Variants in LAMA3 observed in about 807,000 individuals in gnomAD.
LAMA3 encodes laminin subunit alpha-3.
In LAMA3, 281 loss-of-function variants were observed where a neutral mutation model predicts 402.0. The ratio of observed to expected loss-of-function variants is 0.70; its 90% CI spans 0.63 to 0.77. The LOEUF (loss-of-function observed/expected upper bound fraction) is 0.77, where lower values mean the gene tolerates loss of function less well. LAMA3 is among the 30% of genes least tolerant of loss of function. LAMA3 has a pLI of 0.00. For synonymous variants in LAMA3, 1,431 were observed against 1,558.4 expected, an observed-to-expected ratio of 0.92 and a Z score of 1.93; for missense variants, 3,840 against 4,215.5, an observed-to-expected ratio of 0.91 and a Z score of 2.47.
chr18:23,778,596 G>C (rs2062371342), intron 11 of LAMA3, among the ~76,000 whole-genome samples: 1 of 152,146 alleles, frequency 6.6e-6, no homozygotes, highest in African/African-American at 2.4e-5. Flanking sequence ...GGAGGCACAG[G>C]TTCTCAGAAG....
chr18:23,899,637 C>T (rs1322872334), intron 47 of LAMA3, 182 bp downstream of exon 47: 4 of 633,204 alleles, frequency 6.3e-6, no homozygotes, highest in African/African-American at 1.8e-5. Flanking sequence ...TACCAACGGG[C>T]TGTAGAATAT....
At chr18:23,808,053 G>A (rs939550617) in intron 12 of LAMA3, among the ~76,000 whole-genome samples, 1 of 152,170 alleles carries the variant, frequency 6.6e-6, no homozygotes, top group Non-Finnish European at 1.5e-5. Flanking sequence ...TATATGGAGT[G>A]GGTAGTGTCT....
At chr18:23,821,002 A>G (rs962747578) in intron 19 of LAMA3, among the ~76,000 whole-genome samples, 1 of 152,200 alleles carries the variant, frequency 6.6e-6, no homozygotes, top group Non-Finnish European at 1.5e-5. Context: ...CAGCTATTTA[A>G]TTTCTTTAGT....
At chr18:23,840,606 C>T (rs951194049) in intron 27 of LAMA3, among the ~76,000 whole-genome samples, 1 of 151,642 alleles carries the variant, frequency 6.6e-6, no homozygotes, top group African/African-American at 2.4e-5. Flanking sequence ...AGGTTGGTCT[C>T]GAACCAGTAA....
intron 13 of LAMA3, among the ~76,000 whole-genome samples, chr18:23,811,134 A>G (rs1391667232): frequency 2.0e-5 from 3 of 152,108 alleles, no homozygotes; most frequent in Admixed American, 6.5e-5. Flanking sequence ...CGTGGTTGGT[A>G]TTCATCCCTC....
intron 31 of LAMA3, among the ~76,000 whole-genome samples, chr18:23,847,227 G>T (rs2063836356): frequency 6.6e-6 from 1 of 152,216 alleles, no homozygotes; most frequent in Non-Finnish European, 1.5e-5. Context: ...CAGTGGCAGC[G>T]AGGTGGGCTC....
intron 11 of LAMA3, 47 bp downstream of exon 11, chr18:23,777,666 C>T (rs776901983): frequency 1.5e-6 from 2 of 1,363,236 alleles, no homozygotes; most frequent in Non-Finnish European, 2.1e-6. Flanking sequence ...ATGTTATGCC[C>T]TTATTCTTTT....
intron 12 of LAMA3, among the ~76,000 whole-genome samples, chr18:23,800,520 A>G (rs1437373838): frequency 6.6e-6 from 1 of 152,134 alleles, no homozygotes; most frequent in Admixed American, 6.6e-5. Context: ...TCGAACATTC[A>G]TTTCTTTGTT....
At chr18:23,806,036 C>G (rs764610964) in intron 12 of LAMA3, among the ~76,000 whole-genome samples, 1 of 152,224 alleles carries the variant, frequency 6.6e-6, no homozygotes, top group Non-Finnish European at 1.5e-5. Flanking sequence ...TCAGAATTTG[C>G]TAGACTTCCC....
chr18:23,827,318 T>G lies in LAMA3; in HGVS notation c.2674T>G (p.Leu892Val). 1 of 1,614,164 alleles carries G rather than the reference T, an allele frequency of 6.2e-7. No individual in the cohort carries two copies. The highest frequency in any genetic ancestry group is 8.5e-7 in the Non-Finnish European group (1 of 1,180,010). ...AYAGPPQENCLLYQHLPVTRF... is the reference protein window; with the variant it reads ...AYAGPPQENCVLYQHLPVTRF... ...TTGTTGTTGCTGTTGTTGAAGTTGC[T>G]TACTCTACCAGCATTTGCCAGTGAC... The change falls in exon 23 of 75, where the codon TTA becomes GTA. Residue 892 changes from leucine (L) to valine (V), a missense_variant. Coordinates refer to ENST00000313654, the MANE Select transcript of LAMA3 (RefSeq NM_198129.4).
intron 3 of LAMA3, 50 bp from the exon 4 acceptor site, chr18:23,749,378 A>C: frequency 1.0e-6 from 1 of 984,070 alleles, no homozygotes; most frequent in Non-Finnish European, 1.6e-6. Context: ...AGAGATTTGC[A>C]ACAAAATGAT....
chr18:23,933,390 A>T (rs918864294), intron 66 of LAMA3, among the ~76,000 whole-genome samples: 7 of 152,204 alleles, frequency 4.6e-5, no homozygotes, highest in African/African-American at 1.2e-4. Flanking sequence ...GTAATTTTTA[A>T]AAAAATCATG....
chr18:23,872,861 C>A (rs1018517774), intron 38 of LAMA3: 2 of 647,282 alleles, frequency 3.1e-6, no homozygotes, highest in Non-Finnish European at 5.4e-6. Flanking sequence ...GGTGCGCTTA[C>A]CTGCGGGACT....
chr18:23,698,355 T>C (rs920240042), intron 1 of LAMA3, among the ~76,000 whole-genome samples: 13 of 152,106 alleles, frequency 8.5e-5, no homozygotes, highest in African/African-American at 2.2e-4. Context: ...TACAGGCGCC[T>C]GCCATCACGC....
intron 8 of LAMA3, among the ~76,000 whole-genome samples, chr18:23,763,932 A>G (rs1300597972): frequency 1.3e-5 from 2 of 152,194 alleles, no homozygotes; most frequent in Non-Finnish European, 2.9e-5. Flanking sequence ...ATCATGATCA[A>G]TTAATGATGT....
At chr18:23,820,930 C>T (rs1240021657) in intron 19 of LAMA3, among the ~76,000 whole-genome samples, 1 of 152,166 alleles carries the variant, frequency 6.6e-6, no homozygotes, top group African/African-American at 2.4e-5. Flanking sequence ...ATCCAAGCGG[C>T]CTTTCTGAAA....
Position 23,914,850 on chromosome 18 carries a change from C to G in LAMA3, c.7634C>G (p.Pro2545Arg), listed in dbSNP as rs373150935. The change falls in exon 58 of 75, where the codon CCT becomes CGT. Residue 2545 changes from proline to arginine, a missense_variant. By Grantham distance (103) the Pro-to-Arg change is moderately radical. Transcript: ENST00000313654. ...NVVFYVGGYP[P>R]DFKLPSRLSF... ...GTATTTTATGTTGGAGGTTACCCACCTGATTTTAAAGTAAGTGTAAATGTT... is the reference window on the plus strand; with the variant it reads ...GTATTTTATGTTGGAGGTTACCCACGTGATTTTAAAGTAAGTGTAAATGTT... 53 of 1,610,946 alleles carry G rather than the reference C, an allele frequency of 3.3e-5. No individual in the cohort carries two copies. In the African/African-American group the frequency reaches 5.7e-4, roughly 17 times the overall value.
At chr18:23,749,862 C>T (rs1255847377) in intron 4 of LAMA3, among the ~76,000 whole-genome samples, 1 of 152,138 alleles carries the variant, frequency 6.6e-6, no homozygotes, top group East Asian at 1.9e-4. Context: ...GACCCCTTAC[C>T]TCTTCACCTA....
intron 40 of LAMA3, among the ~76,000 whole-genome samples, chr18:23,882,976 G>A (rs968739660): frequency 6.6e-6 from 1 of 152,210 alleles, no homozygotes; most frequent in Non-Finnish European, 1.5e-5. Context: ...TTAGAGGGGT[G>A]GCCAAGGAGG....
Sources: gnomAD v4.1 joint callset for allele counts (sites outside exome capture counted in the v4.1 genomes callset) on GRCh38, gnomAD v4.1.1 for gene constraint, MANE v1.5 for transcripts, NCBI Gene and HGNC (gene_info 2026-07-23, HGNC 2026-07-21) for gene names.